GPM6B: variants seen among roughly 807,000 people sequenced by gnomAD.
The protein encoded by GPM6B is glycoprotein M6B.
GPM6B carries 4 observed loss-of-function variants against 27.2 expected under a neutral mutation model. The ratio of observed to expected loss-of-function variants is 0.15; its 90% CI spans 0.07 to 0.34. The LOEUF is 0.34. Among genes scored for constraint, GPM6B ranks in the 10% least tolerant of loss-of-function variants. GPM6B has a pLI of 1.00. For missense variants in GPM6B, 183 were observed against 261.9 expected (o/e 0.70, Z 2.08); for synonymous variants, 124 against 103.1 (o/e 1.20, Z -1.23).
rs191314000 is a variant in GPM6B at position 13,782,363 on chromosome X, C to T, written c.525+1002G>A. Among the ~76,000 whole-genome samples the T allele has an allele frequency of 3.1e-3, 349 of 111,669 alleles. 3 individuals carry two copies. The highest frequency in any genetic ancestry group is 0.01 in the African/African-American group (320 of 30,673). On this transcript the variant is annotated intron_variant, in intron 4 of 7. Coordinates refer to ENST00000316715, the MANE Select transcript of GPM6B (RefSeq NM_001001995.3). ...AAGCTCCTCTCCTCTCCACCATGTACTGTGTCCTGACCAATGCTCAAAGGA... is the reference window on the plus strand; with the variant it reads ...AAGCTCCTCTCCTCTCCACCATGTATTGTGTCCTGACCAATGCTCAAAGGA...
chrX:13,783,352 A>C lies in GPM6B; in HGVS notation c.525+13T>G, dbSNP rs1040909370. On this transcript the variant is annotated intron_variant, in intron 4 of 7. Transcript: ENST00000316715. Reference sequence around the variant, plus strand: ...TGTATATCAAACAATCAGTTATCAGAGGTTCAACTCACCATTCCACTGATG... The same window carrying C: ...TGTATATCAAACAATCAGTTATCAGCGGTTCAACTCACCATTCCACTGATG... 8 of 1,160,647 alleles carry C rather than the reference A, an allele frequency of 6.9e-6. No homozygotes were observed. The highest frequency in any genetic ancestry group is 9.2e-6 in the Non-Finnish European group (8 of 867,327).
chrX:13,828,482 TAAGA>T (rs1435276036), intron 1 of GPM6B, among the ~76,000 whole-genome samples: 1 of 111,547 alleles, frequency 9.0e-6, no homozygotes, highest in Admixed American at 9.5e-5. Context: ...TCCGTAACTG[TAAGA>T]AATAATTTTT....
At chrX:13,833,042 G>C (rs1392154784) in intron 1 of GPM6B, among the ~76,000 whole-genome samples, 1 of 111,723 alleles carries the variant, frequency 9.0e-6, no homozygotes, top group Admixed American at 9.5e-5. Context: ...GAGCCAAGAG[G>C]ATCACTTGAG....
chrX:13,869,988 C>G (rs755869911), intron 1 of GPM6B, among the ~76,000 whole-genome samples: 1 of 112,029 alleles, frequency 8.9e-6, no homozygotes, highest in East Asian at 2.8e-4. Context: ...ATTCCCCAGT[C>G]TTTACTTGTT....
At chrX:13,801,710 G>A (rs2048923483) in intron 2 of GPM6B, among the ~76,000 whole-genome samples, 1 of 111,533 alleles carries the variant, frequency 9.0e-6, no homozygotes. Context: ...CTGGGAAACA[G>A]CACATGAATA....
chrX:13,821,335 C>T (rs1396951635), upstream of GPM6B, among the ~76,000 whole-genome samples: 2 of 112,216 alleles, frequency 1.8e-5, no homozygotes, highest in Non-Finnish European at 3.8e-5. Flanking sequence ...GATTTTTCTT[C>T]TGTGATCTAT....
At chrX:13,814,619 T>C (rs1423551993) in intron 1 of GPM6B, among the ~76,000 whole-genome samples, 1 of 112,552 alleles carries the variant, frequency 8.9e-6, no homozygotes, top group Non-Finnish European at 1.9e-5. Context: ...GAAACATTTG[T>C]GGCTATCATT....
chrX:13,807,506 A>AGG, intron 2 of GPM6B, 144 bp downstream of exon 2: 3 of 417,606 alleles, frequency 7.2e-6, no homozygotes. Flanking sequence ...AAATGTTTAT[A>AGG]GGGCGAATTC....
intron 1 of GPM6B, among the ~76,000 whole-genome samples, chrX:13,848,097 G>C (rs953617098): frequency 8.9e-6 from 1 of 111,842 alleles, no homozygotes; most frequent in African/African-American, 3.3e-5. Flanking sequence ...CCTAGTGATT[G>C]TACTCTACTG....
In GPM6B at chrX:13,816,943, A is replaced by G; in HGVS notation, c.-39T>C. 8.6e-7 allele frequency: 1 copy of G among 1,168,069 alleles called. No homozygotes were observed. Among genetic ancestry groups the G allele is most frequent in the Non-Finnish European group, 1.1e-6 (1 of 876,837 alleles). On this transcript the variant is annotated 5_prime_UTR_variant, in exon 1 of 8. Transcript: ENST00000316715. ...AATGCTTTTCCCCCTGTTCCCCCCA[A>G]CACACACTTGTTTTTCCTCCTCTTC...
At chrX:13,842,054 T>C (rs1036032721) in intron 1 of GPM6B, among the ~76,000 whole-genome samples, 3 of 112,216 alleles carry the variant, frequency 2.7e-5, no homozygotes, top group Non-Finnish European at 5.6e-5. Context: ...CAATATGACA[T>C]TCTTTTTCTC....
intron 1 of GPM6B, among the ~76,000 whole-genome samples, chrX:13,886,488 G>A (rs1344167062): frequency 2.8e-5 from 3 of 108,728 alleles, no homozygotes; most frequent in Non-Finnish European, 5.7e-5. Context: ...GACATTACAG[G>A]GCATGGAAGG....
intron 1 of GPM6B, among the ~76,000 whole-genome samples, chrX:13,915,680 T>G (rs1315454633): frequency 8.9e-6 from 1 of 112,839 alleles, no homozygotes; most frequent in Non-Finnish European, 1.9e-5. Context: ...GTAAATTTTT[T>G]TGCGCGTATA....
intron 1 of GPM6B, among the ~76,000 whole-genome samples, chrX:13,811,734 CATA>C: frequency 8.9e-6 from 1 of 112,091 alleles, no homozygotes; most frequent in East Asian, 2.8e-4. Context: ...TTAAATACAG[CATA>C]ATAAGGCTTG....
chrX:13,806,156 T>C (rs2049018065), intron 2 of GPM6B, among the ~76,000 whole-genome samples: 1 of 111,773 alleles, frequency 8.9e-6, no homozygotes, highest in Non-Finnish European at 1.9e-5. Context: ...TGATCCCTTG[T>C]ACCCATCTGT....
At chrX:13,844,882 T>C (rs1196245799) in intron 1 of GPM6B, among the ~76,000 whole-genome samples, 1 of 112,406 alleles carries the variant, frequency 8.9e-6, no homozygotes, top group African/African-American at 3.2e-5. Context: ...GTTTTTGATA[T>C]GCAGTATGAC....
At chrX:13,780,102 G>A in intron 4 of GPM6B, 113 bp from the exon 5 acceptor site, 1 of 583,536 alleles carries the variant, frequency 1.7e-6, no homozygotes, top group Non-Finnish European at 2.5e-6. Flanking sequence ...AACACATTGT[G>A]GGGACCCTCG....
intron 1 of GPM6B, among the ~76,000 whole-genome samples, chrX:13,885,159 C>T (rs1393935231): frequency 1.8e-5 from 2 of 111,733 alleles, no homozygotes; most frequent in African/African-American, 6.5e-5. Context: ...TTACAAAGTC[C>T]TAAACTGTGC....
intron 7 of GPM6B, chrX:13,773,265 C>T: frequency 3.7e-6 from 1 of 266,890 alleles, no homozygotes; most frequent in Non-Finnish European, 6.6e-6. Flanking sequence ...AAAAAATGGC[C>T]AAAGGTATTG....
Sources: gnomAD v4.1 joint callset for allele counts (sites outside exome capture counted in the v4.1 genomes callset) on GRCh38, gnomAD v4.1.1 for gene constraint, MANE v1.5 for transcripts, NCBI Gene and HGNC (gene_info 2026-07-23, HGNC 2026-07-21) for gene names.